The following RASAL2 variants were observed in gnomAD, a reference collection of about 807,000 sequenced individuals.
The protein encoded by RASAL2 is RAS protein activator like 2.
A neutral mutation model predicts 128.9 loss-of-function variants in RASAL2; 58 were observed. The observed-to-expected ratio is 0.45, with a 90% confidence interval of 0.36 to 0.56. The LOEUF (loss-of-function observed/expected upper bound fraction) is 0.56, where lower values mean the gene tolerates loss of function less well. Among genes scored for constraint, RASAL2 ranks in the 20% least tolerant of loss-of-function variants. The pLI is 0.00. For missense variants in RASAL2, 1,360 were observed against 1,601.6 expected, an observed-to-expected ratio of 0.85 and a Z score of 2.57; for synonymous variants, 561 against 580.8, an observed-to-expected ratio of 0.97 and a Z score of 0.49.
chr1:178,300,037 G>A lies in RASAL2; in HGVS notation c.376G>A (p.Gly126Arg), dbSNP rs1667694257. The A allele has an allele frequency of 6.2e-7, 1 of 1,613,898 alleles. No individual in the cohort carries two copies. Among genetic ancestry groups the A allele is most frequent in the Admixed American group, 1.7e-5 (1 of 59,974 alleles). Residue 126 changes from glycine to arginine, a missense_variant, in exon 3 of 18, where the codon GGG becomes AGG. By Grantham distance (125) the Gly-to-Arg change is moderately radical (BLOSUM62 -2). This residue lies in a region of RASAL2 where 617 missense variants were observed against 714.2 expected (regional missense o/e 0.86). Transcript: ENST00000367649. ...GGAGCAGCAGACAGATTCCACCAAA[G>A]GGCGATGCCTGAGGAGAACTGTCAG... ...GQEQQTDSTK[G>R]RCLRRTVSVP...
rs560857340 is a variant in RASAL2 at position 178,468,765 on chromosome 1, G to A, written c.3678+1344G>A. Among the ~76,000 whole-genome samples the A allele has an allele frequency of 3.9e-5, 6 of 152,304 alleles. No homozygotes were observed. The South Asian group carries it at 1.2e-3, about 32-fold the overall frequency. On this transcript the variant is annotated intron_variant, in intron 17 of 17. Transcript: ENST00000367649. ...TGCCCCCAGGGTAGGTGAGGTAAGG[G>A]TAGTGGAGACTAGGCCATCTCACTA...
At chr1:178,287,332 G>A (rs1272051621) in intron 2 of RASAL2, among the ~76,000 whole-genome samples, 1 of 151,552 alleles carries the variant, frequency 6.6e-6, no homozygotes, top group Non-Finnish European at 1.5e-5. Context: ...TTCAGTTACT[G>A]TCCCACTCTC....
chr1:178,363,939 A>G (rs1387254307), intron 3 of RASAL2, among the ~76,000 whole-genome samples: 1 of 152,126 alleles, frequency 6.6e-6, no homozygotes, highest in African/African-American at 2.4e-5. Flanking sequence ...TACTAAAAAT[A>G]CAAAAAATTA....
chr1:178,201,666 A>G (rs895509446), intron 1 of RASAL2, among the ~76,000 whole-genome samples: 4 of 152,230 alleles, frequency 2.6e-5, no homozygotes, highest in Non-Finnish European at 2.9e-5. Flanking sequence ...AGCTACCATA[A>G]TGGACAGCAG....
intron 14 of RASAL2, among the ~76,000 whole-genome samples, chr1:178,460,458 A>G (rs1485616884): frequency 2.0e-5 from 3 of 152,124 alleles, no homozygotes; most frequent in African/African-American, 7.2e-5. Flanking sequence ...AAAATACAAT[A>G]CCTATCGCAT....
intron 1 of RASAL2, among the ~76,000 whole-genome samples, chr1:178,124,754 C>G (rs1659836357): frequency 6.6e-6 from 1 of 152,178 alleles, no homozygotes; most frequent in Non-Finnish European, 1.5e-5. Context: ...ACAATAGCCT[C>G]TCTTTCAGAA....
At chr1:178,398,058 A>C (rs1270890751) in intron 4 of RASAL2, among the ~76,000 whole-genome samples, 1 of 152,022 alleles carries the variant, frequency 6.6e-6, no homozygotes, top group Non-Finnish European at 1.5e-5. Flanking sequence ...TATAAATTGA[A>C]ATAATGTTTT....
intron 1 of RASAL2, among the ~76,000 whole-genome samples, chr1:178,113,643 A>G (rs1218393339): frequency 1.3e-5 from 2 of 150,978 alleles, no homozygotes; most frequent in South Asian, 4.2e-4. Context: ...TTCGCCTCCA[A>G]ACGTGCTGGG....
intron 3 of RASAL2, among the ~76,000 whole-genome samples, chr1:178,356,666 T>G (rs1408308969): frequency 6.6e-6 from 1 of 152,172 alleles, no homozygotes; most frequent in Admixed American, 6.5e-5. Flanking sequence ...GTGCTAAAAC[T>G]AAATAAAAGC....
intron 1 of RASAL2, among the ~76,000 whole-genome samples, chr1:178,133,880 T>A (rs1390556994): frequency 6.6e-6 from 1 of 152,182 alleles, no homozygotes; most frequent in African/African-American, 2.4e-5. Context: ...GGGAAGGGTG[T>A]GACGATCATG....
At chr1:178,439,930 C>T (rs974159454) in intron 6 of RASAL2, among the ~76,000 whole-genome samples, 1 of 151,936 alleles carries the variant, frequency 6.6e-6, no homozygotes, top group African/African-American at 2.4e-5. Context: ...ACCACAGCAT[C>T]AGTGGTTCAA....
intron 1 of RASAL2, among the ~76,000 whole-genome samples, chr1:178,130,969 G>A (rs923695761): frequency 6.6e-6 from 1 of 151,724 alleles, no homozygotes; most frequent in African/African-American, 2.4e-5. Flanking sequence ...CAGGAGAATG[G>A]CGTGAACCCG....
At chr1:178,279,858 A>C (rs1362052235) in intron 1 of RASAL2, among the ~76,000 whole-genome samples, 1 of 152,174 alleles carries the variant, frequency 6.6e-6, no homozygotes, top group Non-Finnish European at 1.5e-5. Context: ...TGATGAGATC[A>C]AAACTTTTCT....
intron 2 of RASAL2, among the ~76,000 whole-genome samples, chr1:178,285,109 T>TC (rs1666959891): frequency 7.9e-6 from 1 of 127,298 alleles, no homozygotes; most frequent in Admixed American, 7.6e-5. Flanking sequence ...CTTTCTTTTT[T>TC]TTTTTTTTTT....
At chr1:178,453,600 TG>T (rs1253384086) in intron 11 of RASAL2, among the ~76,000 whole-genome samples, 1 of 152,124 alleles carries the variant, frequency 6.6e-6, no homozygotes, top group Non-Finnish European at 1.5e-5. Flanking sequence ...CAGATATATT[TG>T]GGTAGCTTGA....
chr1:178,146,451 T>G (rs1033815017), intron 1 of RASAL2, among the ~76,000 whole-genome samples: 1 of 152,238 alleles, frequency 6.6e-6, no homozygotes, highest in Non-Finnish European at 1.5e-5. Context: ...AGAGAAATTT[T>G]GGGATATATA....
chr1:178,106,464 G>T (rs1231436098), intron 1 of RASAL2, among the ~76,000 whole-genome samples: 1 of 152,114 alleles, frequency 6.6e-6, no homozygotes, highest in Non-Finnish European at 1.5e-5. Flanking sequence ...GCTGCTTTTT[G>T]TCCAAGTGGT....
At chr1:178,191,100 G>A (rs901250958) in intron 1 of RASAL2, among the ~76,000 whole-genome samples, 6 of 152,140 alleles carry the variant, frequency 3.9e-5, no homozygotes, top group African/African-American at 1.4e-4. Context: ...CAGCCTAGCT[G>A]AATTGTTAGC....
intron 3 of RASAL2, among the ~76,000 whole-genome samples, chr1:178,334,408 G>T (rs551205479): frequency 2.0e-5 from 3 of 150,704 alleles, no homozygotes; most frequent in Non-Finnish European, 4.4e-5. Flanking sequence ...GCACTATCTC[G>T]GGTCACTGCA....
Sources: gnomAD v4.1 joint callset for allele counts (sites outside exome capture counted in the v4.1 genomes callset) on GRCh38, gnomAD v4.1.1 for gene constraint, gnomAD v4.1.1 regional missense constraint, MANE v1.5 for transcripts, NCBI Gene and HGNC (gene_info 2026-07-23, HGNC 2026-07-21) for gene names.